Variants in PRKG1 observed in about 807,000 individuals in gnomAD.
The protein encoded by PRKG1 is protein kinase cGMP-dependent 1.
A neutral mutation model predicts 88.1 loss-of-function variants in PRKG1; 35 were observed. The observed-to-expected ratio is 0.40, with a 90% CI of 0.30 to 0.53. The LOEUF (loss-of-function observed/expected upper bound fraction) is 0.53. Among genes scored for constraint, PRKG1 ranks in the 20% least tolerant of loss-of-function variants. PRKG1 has a pLI of 0.59. For synonymous variants in PRKG1, 303 were observed against 292.5 expected, an observed-to-expected ratio of 1.04 and a Z score of -0.37; for missense variants, 540 against 839.8, an observed-to-expected ratio of 0.64 and a Z score of 4.41.
intron 5 of PRKG1, among the ~76,000 whole-genome samples, chr10:51,948,524 CTGTGTGTGTGTG>C (rs376853403): frequency 6.7e-6 from 1 of 149,508 alleles, no homozygotes; most frequent in Non-Finnish European, 1.5e-5. Context: ...GTGTGTGTCT[CTGTGTGTGTGTG>C]TGTGTGTGTG....
At chr10:51,701,880 C>T (rs1841478051) in intron 3 of PRKG1, among the ~76,000 whole-genome samples, 1 of 152,134 alleles carries the variant, frequency 6.6e-6, no homozygotes, top group African/African-American at 2.4e-5. Flanking sequence ...TGAGCCATGG[C>T]TTGTTAAGTC....
At chr10:51,164,766 G>A (rs1034883785) in intron 2 of PRKG1, among the ~76,000 whole-genome samples, 4 of 152,092 alleles carry the variant, frequency 2.6e-5, no homozygotes, top group Non-Finnish European at 5.9e-5. Flanking sequence ...AGCCTCAGGA[G>A]CTGACGTGAT....
intron 5 of PRKG1, among the ~76,000 whole-genome samples, chr10:51,941,282 CAACT>C (rs1472358669): frequency 6.6e-6 from 1 of 151,730 alleles, no homozygotes. Flanking sequence ...ACTTAAGCAC[CAACT>C]ATGAGACTTA....
At chr10:51,736,289 T>G (rs1370455578) in intron 3 of PRKG1, among the ~76,000 whole-genome samples, 3 of 152,038 alleles carry the variant, frequency 2.0e-5, no homozygotes, top group African/African-American at 7.2e-5. Flanking sequence ...CATTATTATT[T>G]TTAAGTAATA....
intron 3 of PRKG1, among the ~76,000 whole-genome samples, chr10:51,733,773 C>A (rs1837183360): frequency 1.3e-5 from 2 of 152,130 alleles, no homozygotes; most frequent in Non-Finnish European, 2.9e-5. Context: ...ATGATGCTAG[C>A]ACTTTTGATC....
chr10:51,160,863 G>A (rs960249352), intron 2 of PRKG1, among the ~76,000 whole-genome samples: 2 of 139,172 alleles, frequency 1.4e-5, no homozygotes, highest in African/African-American at 5.6e-5. Context: ...CTTAACCAGT[G>A]TTCTTCATGC....
intron 2 of PRKG1, among the ~76,000 whole-genome samples, chr10:51,280,396 C>T (rs1840259885): frequency 6.6e-6 from 1 of 152,014 alleles, no homozygotes; most frequent in Non-Finnish European, 1.5e-5. Context: ...CTCTGTATTT[C>T]CTGAATTTGA....
At chr10:51,166,928 A>C (rs1846560206) in intron 2 of PRKG1, among the ~76,000 whole-genome samples, 1 of 152,176 alleles carries the variant, frequency 6.6e-6, no homozygotes, top group Non-Finnish European at 1.5e-5. Context: ...TTCCTTTTGC[A>C]ATATATAGTC....
chr10:51,574,435 A>G (rs930304333), intron 3 of PRKG1, among the ~76,000 whole-genome samples: 1 of 151,940 alleles, frequency 6.6e-6, no homozygotes, highest in Non-Finnish European at 1.5e-5. Context: ...AGTCAAGGAT[A>G]GGGAGGGGAG....
chr10:51,577,251 A>G (rs1322840726), intron 3 of PRKG1, among the ~76,000 whole-genome samples: 1 of 152,018 alleles, frequency 6.6e-6, no homozygotes, highest in Non-Finnish European at 1.5e-5. Context: ...CACTTGCATC[A>G]TATTAGTCAA....
chr10:51,375,951 G>C (rs992839715), intron 2 of PRKG1, among the ~76,000 whole-genome samples: 2 of 152,184 alleles, frequency 1.3e-5, no homozygotes, highest in Non-Finnish European at 2.9e-5. Context: ...ATTCATGGTA[G>C]TTATTCACAG....
chr10:51,556,855 T>C (rs747564919), intron 3 of PRKG1, among the ~76,000 whole-genome samples: 6 of 152,072 alleles, frequency 3.9e-5, no homozygotes, highest in Non-Finnish European at 8.8e-5. Flanking sequence ...AACCTGTACA[T>C]GTTCCCTTTA....
chr10:52,032,685 T>C (rs10740412), intron 5 of PRKG1, among the ~76,000 whole-genome samples: 88,148 of 151,848 alleles, frequency 0.58, 25,846 homozygotes, highest in African/African-American at 0.65. Flanking sequence ...AAAATAAAAA[T>C]TCAGGAATGT....
intron 3 of PRKG1, among the ~76,000 whole-genome samples, chr10:51,722,722 A>G (rs1419794365): frequency 1.3e-5 from 2 of 152,206 alleles, no homozygotes; most frequent in African/African-American, 4.8e-5. Flanking sequence ...GTAGAGCAGT[A>G]AGAAAGCATA....
intron 8 of PRKG1, among the ~76,000 whole-genome samples, chr10:52,145,352 C>T (rs562580017): frequency 6.6e-5 from 10 of 152,038 alleles, no homozygotes; most frequent in East Asian, 3.9e-4. Flanking sequence ...ACAATGTCTT[C>T]GGAACTCATA....
chr10:51,263,339 C>A (rs149426249), intron 2 of PRKG1, among the ~76,000 whole-genome samples: 1 of 152,126 alleles, frequency 6.6e-6, no homozygotes, highest in Non-Finnish European at 1.5e-5. Context: ...CTTGCCTTTC[C>A]AGTTTTTGTT....
At chr10:51,187,477 T>A (rs7094064) in intron 2 of PRKG1, among the ~76,000 whole-genome samples, 8,052 of 152,060 alleles carry the variant, frequency 0.053, 397 homozygotes, top group African/African-American at 0.13. Flanking sequence ...TTTTTCCTTG[T>A]ATTGGTTTCT....
chr10:51,316,392 A>G lies in PRKG1; in HGVS notation c.479-151331A>G, dbSNP rs78780330. On this transcript the variant is annotated intron_variant, in intron 2 of 17. Coordinates refer to ENST00000373980, the MANE Select transcript of PRKG1 (RefSeq NM_006258.4). ...ATGTAAGGAATATTTTGTTCTTAAG[A>G]CAAAGTTGGGACGGGGCGCAGTGGC... Among the ~76,000 whole-genome samples, 540 of 152,332 alleles carry G rather than the reference A, an allele frequency of 3.5e-3. 4 individuals are homozygous for G. The highest frequency in any genetic ancestry group is 0.031 in the South Asian group (148 of 4,826).
intron 7 of PRKG1, chr10:52,128,582 A>G: frequency 1.0e-6 from 1 of 984,862 alleles, no homozygotes; most frequent in Non-Finnish European, 1.2e-6. Flanking sequence ...ATTTTGGGAT[A>G]TTTTTCATGC....
Sources: gnomAD v4.1 joint callset for allele counts (sites outside exome capture counted in the v4.1 genomes callset) on GRCh38, gnomAD v4.1.1 for gene constraint, MANE v1.5 for transcripts, NCBI Gene and HGNC (gene_info 2026-07-23, HGNC 2026-07-21) for gene names.